GMDS: variants seen among roughly 807,000 people sequenced by gnomAD.
GMDS encodes the protein GDP-mannose 4,6-dehydratase.
A neutral mutation model predicts 49.9 loss-of-function variants in GMDS; 20 were observed. The observed-to-expected ratio is 0.40, with a 90% confidence interval of 0.28 to 0.58. The LOEUF (loss-of-function observed/expected upper bound fraction) is 0.58. Among genes scored for constraint, GMDS ranks in the 20% least tolerant of loss-of-function variants. The pLI is 0.42. For synonymous variants in GMDS, 177 were observed against 178.6 expected, an observed-to-expected ratio of 0.99 and a Z score of 0.07; for missense variants, 362 against 481.4, an observed-to-expected ratio of 0.75 and a Z score of 2.32.
At chr6:1,644,927 G>A (rs1763440372) in intron 9 of GMDS, among the ~76,000 whole-genome samples, 2 of 149,000 alleles carry the variant, frequency 1.3e-5, no homozygotes, top group African/African-American at 5.1e-5. Flanking sequence ...TCAGACTCTG[G>A]TCCTTTTTTT....
chr6:2,233,914 T>C (rs1278123074), intron 1 of GMDS, among the ~76,000 whole-genome samples: 4 of 152,212 alleles, frequency 2.6e-5, no homozygotes, highest in Non-Finnish European at 4.4e-5. Context: ...ACACTGCACA[T>C]CTACATTCCC....
intron 9 of GMDS, among the ~76,000 whole-genome samples, chr6:1,688,611 T>A (rs113803354): frequency 1.3e-5 from 2 of 152,256 alleles, no homozygotes; most frequent in Non-Finnish European, 2.9e-5. Flanking sequence ...GAGGTCTTTA[T>A]CTTAAATACC....
intron 9 of GMDS, among the ~76,000 whole-genome samples, chr6:1,628,134 C>T (rs189878802): frequency 1.5e-4 from 23 of 152,334 alleles, no homozygotes; most frequent in Admixed American, 1.3e-3. Context: ...TGGCTGCAGC[C>T]ATTTTTTAGG....
At chr6:2,078,733 T>C (rs756915699) in intron 4 of GMDS, among the ~76,000 whole-genome samples, 1 of 152,078 alleles carries the variant, frequency 6.6e-6, no homozygotes, top group Non-Finnish European at 1.5e-5. Context: ...TTATATTCTG[T>C]AGTTTTTGGA....
rs572023638 is a variant in GMDS, at chr6:2,018,097, T to C, written c.346-57131A>G. ...AACCTTTACAATTTTTGTTTCTTCATTGAAATCTTCAGCTACAGTTCTGTA... is the reference window on the plus strand; with the variant it reads ...AACCTTTACAATTTTTGTTTCTTCACTGAAATCTTCAGCTACAGTTCTGTA... On this transcript the variant is annotated intron_variant, in intron 4 of 10. Transcript: ENST00000380815. Among the ~76,000 whole-genome samples, 5 of 152,324 alleles carry C rather than the reference T, an allele frequency of 3.3e-5. No individual in the cohort carries two copies. In the East Asian group the frequency reaches 5.8e-4, roughly 18 times the overall value.
At chr6:1,839,773 AG>A (rs1377145700) in intron 7 of GMDS, among the ~76,000 whole-genome samples, 4 of 152,192 alleles carry the variant, frequency 2.6e-5, no homozygotes, top group Non-Finnish European at 5.9e-5. Flanking sequence ...TGGAAGGGGC[AG>A]GGTGTGCTGC....
At chr6:1,978,143 C>A (rs1299867338) in intron 4 of GMDS, among the ~76,000 whole-genome samples, 1 of 152,178 alleles carries the variant, frequency 6.6e-6, no homozygotes, top group Non-Finnish European at 1.5e-5. Context: ...GCTGTTCCAA[C>A]CTGCGGGCTT....
chr6:1,948,031 G>A (rs1763168807), intron 6 of GMDS, among the ~76,000 whole-genome samples: 1 of 152,158 alleles, frequency 6.6e-6, no homozygotes, highest in Admixed American at 6.5e-5. Context: ...TAATAATAAT[G>A]ACGTGCTAAT....
intron 7 of GMDS, among the ~76,000 whole-genome samples, chr6:1,843,005 G>T (rs1041327742): frequency 6.6e-6 from 1 of 151,798 alleles, no homozygotes; most frequent in East Asian, 1.9e-4. Flanking sequence ...TACTTAGGAG[G>T]CTGAGGTGGG....
intron 7 of GMDS, among the ~76,000 whole-genome samples, chr6:1,747,224 G>A (rs1339661552): frequency 6.6e-6 from 1 of 152,058 alleles, no homozygotes; most frequent in African/African-American, 2.4e-5. Flanking sequence ...TTCCGTGCAT[G>A]CCTTCTGTGG....
chr6:1,960,067 T>C, intron 5 of GMDS, 96 bp from the exon 6 acceptor site: 1 of 630,264 alleles, frequency 1.6e-6, no homozygotes, highest in Non-Finnish European at 2.8e-6. Context: ...AATAATAACT[T>C]GTAATGCATC....
chr6:1,765,862 A>G (rs1209736886), intron 7 of GMDS, among the ~76,000 whole-genome samples: 1 of 152,178 alleles, frequency 6.6e-6, no homozygotes, highest in Non-Finnish European at 1.5e-5. Flanking sequence ...AGGAAATAGC[A>G]GAACAAACGC....
intron 7 of GMDS, among the ~76,000 whole-genome samples, chr6:1,871,222 C>G (rs1353737098): frequency 2.3e-4 from 35 of 152,168 alleles, no homozygotes; most frequent in Non-Finnish European, 2.9e-5. Context: ...TGTGACTTCT[C>G]GGCCTCACTG....
Position 2,128,176 on chromosome 6 carries a change from C to CT in GMDS, c.103-3446dup, listed in dbSNP as rs142248059. Among the ~76,000 whole-genome samples, 1,296 of 139,722 alleles carry CT rather than the reference C, an allele frequency of 9.3e-3. 4 individuals are homozygous for CT. Among genetic ancestry groups the CT allele is most frequent in the South Asian group, 0.026 (116 of 4,402 alleles). The allele number at this position is 139,722 out of a possible 152,430, so 91.7% of individuals were successfully genotyped here. A position where few individuals can be genotyped will look rare whatever the true frequency, so the allele number is the denominator to read the frequency against. ...ATTTTCAAGACACAGAAATATTTTC[C>CT]TTTTTTTTTTTTTTTGAGACAGAAT... On this transcript the variant is annotated intron_variant, in intron 1 of 10. Coordinates refer to ENST00000380815, the MANE Select transcript of GMDS (RefSeq NM_001500.4).
At chr6:1,920,944 A>G (rs1022512499) in intron 7 of GMDS, among the ~76,000 whole-genome samples, 1 of 152,210 alleles carries the variant, frequency 6.6e-6, no homozygotes, top group African/African-American at 2.4e-5. Flanking sequence ...GACTAGCACC[A>G]TGACTTTCTT....
intron 7 of GMDS, among the ~76,000 whole-genome samples, chr6:1,871,677 G>A (rs1001995847): frequency 2.0e-5 from 3 of 152,074 alleles, no homozygotes; most frequent in Non-Finnish European, 2.9e-5. Flanking sequence ...TGCTAAATAC[G>A]ACAAAATTCT....
chr6:2,199,635 T>C (rs886153137), intron 1 of GMDS, among the ~76,000 whole-genome samples: 2 of 152,210 alleles, frequency 1.3e-5, no homozygotes, highest in African/African-American at 4.8e-5. Flanking sequence ...TTTCAGCTCC[T>C]CTGAAGGCCT....
At chr6:1,821,142 T>C (rs1770871077) in intron 7 of GMDS, among the ~76,000 whole-genome samples, 1 of 152,254 alleles carries the variant, frequency 6.6e-6, no homozygotes, top group African/African-American at 2.4e-5. Context: ...AAGCAATTAT[T>C]ACAGCAAATG....
At chr6:2,161,004 G>A (rs1777370286) in intron 1 of GMDS, among the ~76,000 whole-genome samples, 2 of 152,220 alleles carry the variant, frequency 1.3e-5, no homozygotes, top group South Asian at 4.1e-4. Flanking sequence ...TTTGTCAAAA[G>A]GATTATATGT....
Sources: allele counts gnomAD v4.1 joint callset (sites outside exome capture counted in the v4.1 genomes callset), GRCh38; gene constraint gnomAD v4.1.1; transcripts MANE v1.5; gene names NCBI Gene and HGNC (gene_info 2026-07-23, HGNC 2026-07-21).